Variants in TWIST2 observed in about 807,000 individuals in gnomAD.
TWIST2 encodes twist-related protein 2.
Under a neutral mutation model 11.6 loss-of-function variants are expected in TWIST2, and 1 was observed. The observed-to-expected ratio is 0.09, with a 90% CI of 0.03 to 0.41. TWIST2 has a LOEUF of 0.41. TWIST2 is among the 10% of genes least tolerant of loss of function. TWIST2 has a pLI of 0.98. For synonymous variants in TWIST2, 87 were observed against 96.6 expected (o/e 0.90, Z 0.58); for missense variants, 168 against 226.4 (o/e 0.74, Z 1.66).
chr2:238,906,537 C>T (rs1265620492), intron 1 of TWIST2, among the ~76,000 whole-genome samples: 5 of 152,142 alleles, frequency 3.3e-5, no homozygotes, highest in Admixed American at 6.5e-5. Flanking sequence ...GGCACACACA[C>T]GGGCCAACTT....
intron 1 of TWIST2, among the ~76,000 whole-genome samples, chr2:238,883,447 CATT>C (rs1157517390): frequency 1.3e-5 from 2 of 152,100 alleles, no homozygotes; most frequent in Non-Finnish European, 2.9e-5. Context: ...GCTCGCTTGA[CATT>C]AAACAGGAAA....
intron 1 of TWIST2, among the ~76,000 whole-genome samples, chr2:238,889,776 C>T (rs1389215883): frequency 1.3e-5 from 2 of 152,218 alleles, no homozygotes; most frequent in African/African-American, 2.4e-5. Context: ...ATACTCAGTG[C>T]GTTCATTACA....
intron 1 of TWIST2, among the ~76,000 whole-genome samples, chr2:238,889,752 G>A (rs546363893): frequency 6.6e-6 from 1 of 152,196 alleles, no homozygotes; most frequent in African/African-American, 2.4e-5. Flanking sequence ...GTAAATGACG[G>A]CTCTGATGCT....
chr2:238,864,531 G>A lies in TWIST2; in HGVS notation c.*35+15798G>A, dbSNP rs1007394784. ...GAGGCGGCTCCCAGTTCCAAGGCGCGCCCCACCCGGCCCCCAGGCCAGGTC... is the reference window on the plus strand; with the variant it reads ...GAGGCGGCTCCCAGTTCCAAGGCGCACCCCACCCGGCCCCCAGGCCAGGTC... On this transcript the variant is annotated intron_variant, in intron 1 of 1. Transcript: ENST00000612363. The surrounding 1 kb of genome is among the most constrained non-coding windows in gnomAD (Gnocchi z 4.7). Among the ~76,000 whole-genome samples, 5 of 152,054 alleles carry A rather than the reference G, an allele frequency of 3.3e-5. No individual in the cohort carries two copies. Among genetic ancestry groups the A allele is most frequent in the Admixed American group, 6.5e-5 (1 of 15,282 alleles).
At chr2:238,889,394 C>T (rs1381316961) in intron 1 of TWIST2, among the ~76,000 whole-genome samples, 3 of 152,020 alleles carry the variant, frequency 2.0e-5, no homozygotes, top group Non-Finnish European at 2.9e-5. Flanking sequence ...TACACATAGA[C>T]GTGTGTACCA....
chr2:238,855,487 G>A (rs1175885422), intron 1 of TWIST2, among the ~76,000 whole-genome samples: 6 of 152,120 alleles, frequency 3.9e-5, no homozygotes, highest in Admixed American at 3.3e-4. Flanking sequence ...CTTTCCTCTC[G>A]TTCATGATAA....
At chr2:238,901,279 T>G (rs951014575) in intron 1 of TWIST2, among the ~76,000 whole-genome samples, 30 of 152,200 alleles carry the variant, frequency 2.0e-4, no homozygotes, top group Non-Finnish European at 1.5e-5. Flanking sequence ...GCCGGCCTCC[T>G]TTGCCTTTTG....
chr2:238,893,272 G>C (rs530918362), intron 1 of TWIST2, among the ~76,000 whole-genome samples: 1 of 151,972 alleles, frequency 6.6e-6, no homozygotes, highest in East Asian at 1.9e-4. Flanking sequence ...CATTTAAGTA[G>C]AGTTACTCTT....
At chr2:238,891,680 A>G (rs1693136557) in intron 1 of TWIST2, among the ~76,000 whole-genome samples, 1 of 152,098 alleles carries the variant, frequency 6.6e-6, no homozygotes, top group Admixed American at 6.5e-5. Flanking sequence ...AGAAGGTTCG[A>G]GGGTCATCCT....
chr2:238,859,926 G>C (rs1031686838), intron 1 of TWIST2, among the ~76,000 whole-genome samples: 17 of 152,130 alleles, frequency 1.1e-4, no homozygotes, highest in African/African-American at 3.6e-4. Flanking sequence ...CACCCTCTGG[G>C]GGCCGAGGCA....
At chr2:238,876,557 C>T (rs902207865) in intron 1 of TWIST2, among the ~76,000 whole-genome samples, 6 of 152,356 alleles carry the variant, frequency 3.9e-5, no homozygotes, top group African/African-American at 1.4e-4. Context: ...CTCAGAGCAT[C>T]TGTCATGGTA....
At chr2:238,896,755 A>C (rs1276521828) in intron 1 of TWIST2, among the ~76,000 whole-genome samples, 1 of 152,136 alleles carries the variant, frequency 6.6e-6, no homozygotes, top group Non-Finnish European at 1.5e-5. Context: ...AGCCGCTGCC[A>C]CACACACACA....
Position 238,881,400 on chromosome 2 carries a change from AGT to A in TWIST2, c.*36-28439_*36-28438del, listed in dbSNP as rs575978871. Among the ~76,000 whole-genome samples, 10 of 149,142 alleles carry A rather than the reference AGT, an allele frequency of 6.7e-5. No homozygotes were observed. In the East Asian group the frequency reaches 1.8e-3, roughly 26 times the overall value. ...TTATTAGTATTAGTTACTATTTATT[AGT>A]GTCAGTGTCAGTGTTAGTGTTAGTA... is the stretch of plus-strand genomic sequence containing the variant. On this transcript the variant is annotated intron_variant, in intron 1 of 1. Transcript: ENST00000612363.
At chr2:238,906,166 C>A (rs1027817727) in intron 1 of TWIST2, among the ~76,000 whole-genome samples, 2 of 152,018 alleles carry the variant, frequency 1.3e-5, no homozygotes, top group African/African-American at 4.8e-5. Context: ...GGTGAAGGAG[C>A]GGAACCACAC....
intron 1 of TWIST2, among the ~76,000 whole-genome samples, chr2:238,881,400 A>G (rs62647540): frequency 1.3e-5 from 2 of 149,140 alleles, no homozygotes; most frequent in East Asian, 2.0e-4. Flanking sequence ...ACTATTTATT[A>G]GTGTCAGTGT....
At position 238,859,385 on chromosome 2, in the gene TWIST2, G is replaced by A. The variant is rs867458543; in HGVS notation, c.*35+10652G>A. On this transcript the variant is annotated intron_variant, in intron 1 of 1. Coordinates refer to ENST00000612363, the MANE Select transcript of TWIST2 (RefSeq NM_001271893.4). ...GCAGAAAGGAGACTGGAGGCTTCTC[G>A]GGCTTCATGGGAGGGGGTGTCGGGG... Among the ~76,000 whole-genome samples, 7 of 151,960 alleles carry A rather than the reference G, an allele frequency of 4.6e-5. 1 individual carries two copies. In the Middle Eastern group the frequency reaches 0.01, roughly 223 times the overall value.
chr2:238,856,588 A>G (rs948459794), intron 1 of TWIST2, among the ~76,000 whole-genome samples: 1 of 152,210 alleles, frequency 6.6e-6, no homozygotes, highest in African/African-American at 2.4e-5. Context: ...GAATAGGTCA[A>G]GTGATATATG....
intron 1 of TWIST2, among the ~76,000 whole-genome samples, chr2:238,872,207 A>G (rs1692719578): frequency 6.6e-6 from 1 of 152,134 alleles, no homozygotes; most frequent in African/African-American, 2.4e-5. Context: ...GTCCCGGGCC[A>G]CTTTATGCCC....
chr2:238,889,828 A>G (rs1235698602), intron 1 of TWIST2, among the ~76,000 whole-genome samples: 1 of 152,206 alleles, frequency 6.6e-6, no homozygotes, highest in African/African-American at 2.4e-5. Context: ...GTGTTCTCCC[A>G]CTTGCAGGGC....
Sources: gnomAD v4.1 joint callset for allele counts (sites outside exome capture counted in the v4.1 genomes callset) on GRCh38, gnomAD v4.1.1 for gene constraint, Gnocchi (gnomAD v3.1) non-coding constraint, MANE v1.5 for transcripts, NCBI Gene and HGNC (gene_info 2026-07-23, HGNC 2026-07-21) for gene names.